Variants in UGT1A8 observed in about 807,000 individuals in gnomAD.
UGT1A8 encodes the protein UDP glucuronosyltransferase family 1 member A8, also known as UDP-glucuronosyltransferase 1A8.
Under a neutral mutation model 45.3 loss-of-function variants are expected in UGT1A8, and 39 were observed. That is an observed-to-expected ratio of 0.86 (90% CI 0.67 to 1.12). The LOEUF is 1.12. Among genes scored for constraint, UGT1A8 ranks in the 50% most tolerant of loss-of-function variants. UGT1A8 has a pLI of 0.00. For missense variants in UGT1A8, 719 were observed against 664.9 expected (o/e 1.08, Z -0.90); for synonymous variants, 275 against 249.2 (o/e 1.10, Z -0.97).
At chr2:233,623,411 G>T (rs532972728) in intron 1 of UGT1A8, among the ~76,000 whole-genome samples, 1 of 152,200 alleles carries the variant, frequency 6.6e-6, no homozygotes, top group African/African-American at 2.4e-5. Flanking sequence ...TTGAACAGTG[G>T]TTTGTAGTTC....
At chr2:233,740,584 T>G (rs1401941870) in intron 1 of UGT1A8, 1 of 151,838 alleles carries the variant, frequency 6.6e-6, no homozygotes, top group Non-Finnish European at 1.5e-5. Flanking sequence ...GGGACCCTAA[T>G]GAAATGGTTA....
chr2:233,652,582 C>T (rs1418643456), intron 1 of UGT1A8, among the ~76,000 whole-genome samples: 1 of 152,156 alleles, frequency 6.6e-6, no homozygotes, highest in East Asian at 1.9e-4. Flanking sequence ...ACTCATAATG[C>T]ATAATGAAAT....
chr2:233,772,866 T>C lies in UGT1A8; in HGVS notation c.*307T>C. ...TTTTCTTACTCTGAAACATGGCCTGTTTGGGAGTGCGGGATTCAAAGGTGG... is the reference window on the plus strand; with the variant it reads ...TTTTCTTACTCTGAAACATGGCCTGCTTGGGAGTGCGGGATTCAAAGGTGG... On this transcript the variant is annotated 3_prime_UTR_variant, in exon 5 of 5. Transcript: ENST00000373450. 1 of 650,978 alleles carries C rather than the reference T, an allele frequency of 1.5e-6. No homozygotes were observed. The highest frequency in any genetic ancestry group is 2.3e-6 in the Non-Finnish European group (1 of 438,192). 40.3% of individuals were successfully genotyped at this position (650,978 alleles called of 1,614,324 possible). A position where few individuals can be genotyped will look rare whatever the true frequency, so the allele number is the denominator to read the frequency against.
intron 1 of UGT1A8, chr2:233,671,812 T>G: frequency 7.0e-7 from 1 of 1,435,024 alleles, no homozygotes; most frequent in Non-Finnish European, 9.2e-7. Context: ...GACTGATTTT[T>G]TTTTTATGAA....
At chr2:233,714,903 G>C (rs139111844) in intron 1 of UGT1A8, among the ~76,000 whole-genome samples, 10 of 136,076 alleles carry the variant, frequency 7.3e-5, no homozygotes, top group African/African-American at 2.4e-4. Context: ...TTGAGATGGA[G>C]TCTTGCTCTG....
chr2:233,723,624 C>T (rs1286064208), intron 1 of UGT1A8, among the ~76,000 whole-genome samples: 6 of 104,762 alleles, frequency 5.7e-5, no homozygotes, highest in Admixed American at 2.0e-4. Context: ...GGAAGGTCAG[C>T]AGATAAACAA....
chr2:233,668,765 A>G (rs145021220), intron 1 of UGT1A8, among the ~76,000 whole-genome samples: 38 of 152,350 alleles, frequency 2.5e-4, no homozygotes, highest in Admixed American at 9.1e-4. Context: ...ATTATGTTGA[A>G]CCAAAGTCTA....
At chr2:233,721,730 G>T (rs1364085120) in intron 1 of UGT1A8, 2 of 416,714 alleles carry the variant, frequency 4.8e-6, no homozygotes, top group South Asian at 3.7e-5. Flanking sequence ...ACTTGGATAA[G>T]CTTAATGATG....
chr2:233,635,976 T>A (rs2073281515), intron 1 of UGT1A8, among the ~76,000 whole-genome samples: 2 of 150,750 alleles, frequency 1.3e-5, no homozygotes, highest in African/African-American at 4.9e-5. Context: ...AGGGTTTGGA[T>A]ATGGAAGAAG....
At position 233,760,496 on chromosome 2, in the gene UGT1A8, A is replaced by G. The variant is rs766949747; in HGVS notation, c.856-6538A>G. ...CCTGACGCCTCGTTGTACATCAGAG[A>G]CGGAGCATTTTACACCTTGAAGACG... On this transcript the variant is annotated intron_variant, in intron 1 of 4. Transcript: ENST00000373450. 4 of 1,614,258 alleles carry G rather than the reference A, an allele frequency of 2.5e-6. No homozygotes were observed. The South Asian group carries it at 4.4e-5, about 18-fold the overall frequency.
intron 1 of UGT1A8, among the ~76,000 whole-genome samples, chr2:233,633,470 A>C (rs2073226792): frequency 6.6e-6 from 1 of 152,220 alleles, no homozygotes; most frequent in African/African-American, 2.4e-5. Context: ...GCTATTAATT[A>C]CTGCCTCAAT....
intron 1 of UGT1A8, chr2:233,740,859 A>C (rs1179342634): frequency 6.6e-6 from 1 of 151,860 alleles, no homozygotes; most frequent in Non-Finnish European, 1.5e-5. Context: ...AATTCTAAAA[A>C]TTCTTTAAAT....
At chr2:233,635,978 T>C (rs1172995662) in intron 1 of UGT1A8, among the ~76,000 whole-genome samples, 1 of 150,838 alleles carries the variant, frequency 6.6e-6, no homozygotes, top group Non-Finnish European at 1.5e-5. Flanking sequence ...GGTTTGGATA[T>C]GGAAGAAGAC....
At chr2:233,647,909 G>A (rs1024220699) in intron 1 of UGT1A8, 34 of 1,583,482 alleles carry the variant, frequency 2.1e-5, no homozygotes, top group Non-Finnish European at 2.8e-5. Flanking sequence ...TAGCCTCCAG[G>A]GAAGGTAGAT....
intron 1 of UGT1A8, among the ~76,000 whole-genome samples, chr2:233,633,658 C>A (rs757994891): frequency 6.6e-6 from 1 of 152,032 alleles, no homozygotes; most frequent in Non-Finnish European, 1.5e-5. Context: ...TGGTTATCTC[C>A]CCTTTATCAT....
intron 1 of UGT1A8, among the ~76,000 whole-genome samples, chr2:233,651,089 G>A (rs190789667): frequency 1.1e-4 from 16 of 152,256 alleles, no homozygotes; most frequent in Admixed American, 5.9e-4. Flanking sequence ...TTCAAGTGAG[G>A]CATGGCTTTC....
At chr2:233,747,862 C>T in intron 1 of UGT1A8, 1 of 1,613,544 alleles carries the variant, frequency 6.2e-7, no homozygotes, top group Non-Finnish European at 8.5e-7. Context: ...ATGCTCTACC[C>T]TCTGGCCCTG....
chr2:233,641,886 A>G (rs1239062229), intron 1 of UGT1A8, among the ~76,000 whole-genome samples: 2 of 151,614 alleles, frequency 1.3e-5, no homozygotes, highest in Non-Finnish European at 2.9e-5. Flanking sequence ...ATGTATTGGA[A>G]CTCCATTGTT....
At chr2:233,648,239 A>C (rs2073651429) in intron 1 of UGT1A8, 1 of 625,528 alleles carries the variant, frequency 1.6e-6, no homozygotes, top group South Asian at 2.5e-5. Flanking sequence ...TTAGTAGAAT[A>C]CTTAAAGGAG....
Sources: allele counts gnomAD v4.1 joint callset (sites outside exome capture counted in the v4.1 genomes callset), GRCh38; gene constraint gnomAD v4.1.1; transcripts MANE v1.5; gene names NCBI Gene and HGNC (gene_info 2026-07-23, HGNC 2026-07-21).